Variants in CSMD1 observed in about 807,000 individuals in gnomAD.
The protein encoded by CSMD1 is CUB and Sushi multiple domains 1.
In CSMD1, 213 loss-of-function variants were observed where a neutral mutation model predicts 417.5. That is an observed-to-expected ratio of 0.51 (90% CI 0.46 to 0.57). The LOEUF (loss-of-function observed/expected upper bound fraction) is 0.57, where lower values mean the gene tolerates loss of function less well. Among genes scored for constraint, CSMD1 ranks in the 20% least tolerant of loss-of-function variants. CSMD1 has a pLI of 0.00. For missense variants in CSMD1, 6,923 were observed against 4,529.7 expected, an observed-to-expected ratio of 1.53 and a Z score of -15.17; for synonymous variants, 2,862 against 1,736.8, an observed-to-expected ratio of 1.65 and a Z score of -16.11.
intron 1 of CSMD1, among the ~76,000 whole-genome samples, chr8:4,745,035 A>G (rs1810864920): frequency 6.6e-6 from 1 of 152,296 alleles, no homozygotes; most frequent in African/African-American, 2.4e-5. Context: ...AAATTGAACT[A>G]ATATATATTC....
chr8:3,543,139 G>C (rs1431829366), intron 10 of CSMD1, among the ~76,000 whole-genome samples: 1 of 152,176 alleles, frequency 6.6e-6, no homozygotes, highest in East Asian at 1.9e-4. Context: ...ATCCCAGACA[G>C]AGAGAAGGAC....
chr8:3,258,883 C>G (rs1404455787), intron 26 of CSMD1, among the ~76,000 whole-genome samples: 2 of 152,104 alleles, frequency 1.3e-5, no homozygotes, highest in East Asian at 3.9e-4. Context: ...TAACTGGGAG[C>G]TAAACGATGA....
chr8:4,477,022 G>C (rs994477742), intron 2 of CSMD1, among the ~76,000 whole-genome samples: 4 of 152,196 alleles, frequency 2.6e-5, no homozygotes, highest in Admixed American at 2.6e-4. Context: ...TGGTTACAGG[G>C]ATTTCCCTCC....
chr8:4,435,697 G>C (rs1459051798), intron 2 of CSMD1, among the ~76,000 whole-genome samples: 5 of 152,172 alleles, frequency 3.3e-5, no homozygotes, highest in Admixed American at 1.3e-4. Flanking sequence ...ACAAGTGGAG[G>C]TGCCTCTGTG....
intron 3 of CSMD1, among the ~76,000 whole-genome samples, chr8:4,148,894 C>A (rs149881485): frequency 2.6e-5 from 4 of 152,298 alleles, no homozygotes; most frequent in Non-Finnish European, 5.9e-5. Context: ...CATTCCATTC[C>A]CAACATAGTT....
intron 5 of CSMD1, among the ~76,000 whole-genome samples, chr8:3,788,501 G>A (rs929113144): frequency 1.3e-5 from 2 of 152,100 alleles, no homozygotes; most frequent in African/African-American, 4.8e-5. Context: ...AAGAACTTCA[G>A]GATCAATAGT....
chr8:4,051,806 C>G (rs1236385080), intron 3 of CSMD1, among the ~76,000 whole-genome samples: 1 of 152,130 alleles, frequency 6.6e-6, no homozygotes, highest in Non-Finnish European at 1.5e-5. Flanking sequence ...CCATACAATA[C>G]TGACAGTTTT....
At chr8:4,981,058 G>A (rs751757497) in intron 1 of CSMD1, among the ~76,000 whole-genome samples, 17 of 152,164 alleles carry the variant, frequency 1.1e-4, no homozygotes, top group Admixed American at 3.3e-4. Context: ...AGATTCAAGC[G>A]TGAACACCAT....
chr8:3,919,051 T>A (rs1222828528), intron 5 of CSMD1, among the ~76,000 whole-genome samples: 1 of 151,992 alleles, frequency 6.6e-6, no homozygotes, highest in African/African-American at 2.4e-5. Context: ...AATATGTGGT[T>A]GTAAAAATTT....
intron 5 of CSMD1, among the ~76,000 whole-genome samples, chr8:3,876,974 C>T (rs1182461360): frequency 9.9e-5 from 15 of 152,196 alleles, no homozygotes; most frequent in Non-Finnish European, 2.2e-4. Context: ...ATTCATAAGT[C>T]ATAACACAGA....
chr8:4,242,204 T>A (rs556168634), intron 3 of CSMD1, among the ~76,000 whole-genome samples: 15 of 152,284 alleles, frequency 9.9e-5, no homozygotes, highest in African/African-American at 3.6e-4. Context: ...AATAAAAGAA[T>A]TGTGATTTTT....
intron 50 of CSMD1, among the ~76,000 whole-genome samples, chr8:3,050,973 A>G (rs1811781846): frequency 6.6e-6 from 1 of 152,212 alleles, no homozygotes; most frequent in Non-Finnish European, 1.5e-5. Flanking sequence ...CAGTGGAGAA[A>G]AGGGAACACT....
intron 41 of CSMD1, among the ~76,000 whole-genome samples, chr8:3,129,277 G>A (rs1347779549): frequency 1.3e-5 from 2 of 152,158 alleles, no homozygotes; most frequent in Admixed American, 6.5e-5. Flanking sequence ...ATTGATTTTT[G>A]TAAATATTAA....
intron 26 of CSMD1, among the ~76,000 whole-genome samples, chr8:3,238,035 G>T (rs941990438): frequency 7.9e-5 from 12 of 151,810 alleles, no homozygotes; most frequent in Non-Finnish European, 1.5e-4. Context: ...GGCTTTGTGT[G>T]AGCAATAAAG....
At chr8:4,211,684 C>A (rs781668796) in intron 3 of CSMD1, among the ~76,000 whole-genome samples, 1 of 152,184 alleles carries the variant, frequency 6.6e-6, no homozygotes, top group Non-Finnish European at 1.5e-5. Context: ...GAAATGCAGA[C>A]TTTAGGCAAG....
intron 1 of CSMD1, among the ~76,000 whole-genome samples, chr8:4,774,868 C>T (rs533734374): frequency 1.9e-4 from 29 of 152,248 alleles, no homozygotes; most frequent in Non-Finnish European, 2.9e-4. Context: ...GTTTACCTTC[C>T]GCCATGACTG....
chr8:4,492,577 T>C (rs1210227982), intron 2 of CSMD1, among the ~76,000 whole-genome samples: 5 of 152,198 alleles, frequency 3.3e-5, no homozygotes, highest in Non-Finnish European at 7.3e-5. Context: ...AATATAATCG[T>C]TTTCAGTAAA....
chr8:2,935,989 A>G lies in CSMD1; in HGVS notation c.*2596T>C, dbSNP rs960643385. 9 of 152,234 alleles carry G rather than the reference A, an allele frequency of 5.9e-5. No individual in the cohort carries two copies. The highest frequency in any genetic ancestry group is 1.2e-4 in the Non-Finnish European group (8 of 68,054). 9.4% of individuals were successfully genotyped at this position (152,234 alleles called of 1,614,324 possible). A position where few individuals can be genotyped will look rare whatever the true frequency, so the allele number is the denominator to read the frequency against. On this transcript the variant is annotated 3_prime_UTR_variant, in exon 70 of 70. Transcript: ENST00000635120. ...CGTTGCCTTCAGGGAAGAGTCTTCT[A>G]GACCTAACTCAGCAAGCACAGCTCC...
intron 47 of CSMD1, among the ~76,000 whole-genome samples, chr8:3,092,797 G>A (rs968063830): frequency 6.6e-6 from 1 of 152,162 alleles, no homozygotes; most frequent in African/African-American, 2.4e-5. Context: ...ACGCTACTCT[G>A]TAATGAGCTC....
Sources: gnomAD v4.1 joint callset for allele counts (sites outside exome capture counted in the v4.1 genomes callset) on GRCh38, gnomAD v4.1.1 for gene constraint, MANE v1.5 for transcripts, NCBI Gene and HGNC (gene_info 2026-07-23, HGNC 2026-07-21) for gene names.